PYROXD2: variants seen among roughly 807,000 people sequenced by gnomAD.
PYROXD2 encodes the protein pyridine nucleotide-disulphide oxidoreductase domain 2, also known as pyridine nucleotide-disulfide oxidoreductase domain-containing protein 2.
A neutral mutation model predicts 71.1 loss-of-function variants in PYROXD2; 69 were observed. The ratio of observed to expected loss-of-function variants is 0.97; its 90% CI spans 0.80 to 1.19. The LOEUF (loss-of-function observed/expected upper bound fraction) is 1.19. PYROXD2 is among the 50% of genes most tolerant of loss of function. The pLI is 0.00. For missense variants in PYROXD2, 745 were observed against 748.9 expected (o/e 0.99, Z 0.06); for synonymous variants, 287 against 302.7 (o/e 0.95, Z 0.54).
chr10:98,398,333 C>T (rs1843272134), intron 5 of PYROXD2, among the ~76,000 whole-genome samples: 2 of 152,074 alleles, frequency 1.3e-5, no homozygotes, highest in Admixed American at 1.3e-4. Context: ...TGTCAGAATC[C>T]ACTTTCGAAA....
At chr10:98,399,542 CAT>C (rs1843316638) in intron 5 of PYROXD2, among the ~76,000 whole-genome samples, 1 of 151,766 alleles carries the variant, frequency 6.6e-6, no homozygotes, top group African/African-American at 2.4e-5. Context: ...CTCCATCCGA[CAT>C]GTGTTCATCC....
At chr10:98,386,960 A>T (rs1488474240) in intron 14 of PYROXD2, among the ~76,000 whole-genome samples, 1 of 152,144 alleles carries the variant, frequency 6.6e-6, no homozygotes, top group Non-Finnish European at 1.5e-5. Flanking sequence ...AGAGGGCCAC[A>T]ATCCTGGTGA....
intron 4 of PYROXD2, among the ~76,000 whole-genome samples, chr10:98,404,188 G>A (rs1381627430): frequency 2.0e-5 from 3 of 152,206 alleles, no homozygotes; most frequent in Non-Finnish European, 4.4e-5. Context: ...CAATCGCCGA[G>A]TTTTGGCCAA....
In PYROXD2 at chr10:98,390,600, G is replaced by A. The variant is rs772080429; in HGVS notation, c.1290C>T (p.His430=). 1.5e-5 allele frequency: 24 copies of A among 1,589,774 alleles called. No individual in the cohort carries two copies. Among genetic ancestry groups the A allele is most frequent in the Non-Finnish European group, 1.5e-5 (17 of 1,167,830 alleles). The change falls in exon 12 of 16, where the codon CAC becomes CAT. Residue 430 remains histidine (H), a splice_region_variant and synonymous_variant. Coordinates refer to ENST00000370575, the MANE Select transcript of PYROXD2 (RefSeq NM_032709.3). ...FEDAMDGLPS[H]RPVIELCIPS... is the part of the protein sequence containing the mutation. Reference sequence around the variant, plus strand: ...AACATAAAGTCCAGGGCCCCTACCTGTGGGAAGGCAGGCCATCCATGGCAT... The same window carrying A: ...AACATAAAGTCCAGGGCCCCTACCTATGGGAAGGCAGGCCATCCATGGCAT...
chr10:98,408,978 G>T (rs1319932022), intron 2 of PYROXD2, among the ~76,000 whole-genome samples: 5 of 152,190 alleles, frequency 3.3e-5, no homozygotes, highest in African/African-American at 1.2e-4. Context: ...GAGGTGTTGG[G>T]AATTGAAACC....
At chr10:98,396,327 G>GCTT (rs1427494031) in intron 6 of PYROXD2, among the ~76,000 whole-genome samples, 1 of 152,188 alleles carries the variant, frequency 6.6e-6, no homozygotes, top group African/African-American at 2.4e-5. Flanking sequence ...GTCAGCATGT[G>GCTT]CTTCTACAAG....
intron 2 of PYROXD2, among the ~76,000 whole-genome samples, chr10:98,410,280 A>G (rs6584200): frequency 0.36 from 54,952 of 151,968 alleles, 11,085 homozygotes; most frequent in African/African-American, 0.53. Context: ...AAGATGTTCC[A>G]CATTTGTTTT....
At chr10:98,390,868 C>T in intron 11 of PYROXD2, 114 bp from the exon 12 acceptor site, 1 of 1,417,662 alleles carries the variant, frequency 7.1e-7, no homozygotes, top group African/African-American at 1.4e-5. Flanking sequence ...GCAAGTGTTT[C>T]ACCTTCTGAC....
Position 98,401,273 on chromosome 10 carries a change from A to AC in PYROXD2, c.316-1017_316-1016insG, listed in dbSNP as rs1554879097. ...TGTCTCAAAAAAAAAAAAACAAAAA[A>AC]AAACAAACATAGAAAAGGTACATTA... is the stretch of plus-strand genomic sequence containing the variant. On this transcript the variant is annotated intron_variant, in intron 4 of 15. Coordinates refer to ENST00000370575, the MANE Select transcript of PYROXD2 (RefSeq NM_032709.3). Among the ~76,000 whole-genome samples, 45 of 121,668 alleles carry AC rather than the reference A, an allele frequency of 3.7e-4. 2 individuals are homozygous for AC. The highest frequency in any genetic ancestry group is 1.2e-3 in the African/African-American group (34 of 27,386). The allele number at this position is 121,668 out of a possible 152,430, so 79.8% of individuals were successfully genotyped here.
chr10:98,392,402 T>G lies in PYROXD2; in HGVS notation c.1062+30A>C, dbSNP rs111892082. On this transcript the variant is annotated intron_variant, in intron 10 of 15. Coordinates refer to ENST00000370575, the MANE Select transcript of PYROXD2 (RefSeq NM_032709.3). ...TCTAACCCCTGTTTTGGCAGACATCTAAGCTCCACCCTCCTGCCCACAGCC... is the reference window on the plus strand; with the variant it reads ...TCTAACCCCTGTTTTGGCAGACATCGAAGCTCCACCCTCCTGCCCACAGCC... 458 of 1,609,064 alleles carry G rather than the reference T, an allele frequency of 2.8e-4. No individual in the cohort carries two copies. In the African/African-American group the frequency reaches 5.1e-3, roughly 18 times the overall value.
At chr10:98,396,453 A>C (rs1843184069) in intron 6 of PYROXD2, among the ~76,000 whole-genome samples, 1 of 151,752 alleles carries the variant, frequency 6.6e-6, no homozygotes, top group Non-Finnish European at 1.5e-5. Context: ...AACCACGAAG[A>C]CATGTGGGAA....
Position 98,384,981 on chromosome 10 carries a change from C to T in PYROXD2, c.1641G>A (p.Gln547=), listed in dbSNP as rs1161748840. ...PLHSGYRCPL[Q]GLYLCGSGAH... ...CCCCACTTCCACAGAGATACAGGCCCTGGAGAGGGCAGCGGTAGCCAGAAT... is the reference window on the plus strand; with the variant it reads ...CCCCACTTCCACAGAGATACAGGCCTTGGAGAGGGCAGCGGTAGCCAGAAT... The change falls in exon 15 of 16, where the codon CAG becomes CAA. Residue 547 remains glutamine, a synonymous_variant. Coordinates refer to ENST00000370575, the MANE Select transcript of PYROXD2 (RefSeq NM_032709.3). 1 of 1,613,814 alleles carries T rather than the reference C, an allele frequency of 6.2e-7. No individual in the cohort carries two copies. Among genetic ancestry groups the T allele is most frequent in the Admixed American group, 1.7e-5 (1 of 59,998 alleles).
chr10:98,411,619 G>A (rs1237908966), intron 1 of PYROXD2: 1 of 152,100 alleles, frequency 6.6e-6, no homozygotes, highest in Non-Finnish European at 1.5e-5. Flanking sequence ...GCCTTGAGCT[G>A]AGAGGCCTGA....
chr10:98,385,161 G>A (rs1842711679), intron 14 of PYROXD2, 94 bp from the exon 15 acceptor site: 2 of 1,488,980 alleles, frequency 1.3e-6, no homozygotes, highest in Non-Finnish European at 1.8e-6. Flanking sequence ...TTCAGCAAAT[G>A]TTCTTCTCCT....
intron 4 of PYROXD2, among the ~76,000 whole-genome samples, chr10:98,403,291 C>T (rs376640643): frequency 6.0e-4 from 91 of 152,326 alleles, no homozygotes; most frequent in Middle Eastern, 3.4e-3. Flanking sequence ...CCTTGACATC[C>T]CATCCGCTGC....
Position 98,407,629 on chromosome 10 carries a change from G to A in PYROXD2, c.268C>T (p.Leu90=). ...ATCTGCGGCCTCAGCAGGCTGAGCA[G>A]GTAGGACGCGCGGGAGAACTTAAAC... ...PGFKFSRASY[L]LSLLRPQIYT... Residue 90 remains leucine, a synonymous_variant, in exon 4 of 16, where the codon CTG becomes TTG. Coordinates refer to ENST00000370575, the MANE Select transcript of PYROXD2 (RefSeq NM_032709.3). 6.2e-7 allele frequency: 1 copy of A among 1,614,066 alleles called. No individual in the cohort carries two copies. Among genetic ancestry groups the A allele is most frequent in the Non-Finnish European group, 8.5e-7 (1 of 1,180,012 alleles).
At chr10:98,414,920 C>A in intron 1 of PYROXD2, 89 bp downstream of exon 1, 1 of 1,538,648 alleles carries the variant, frequency 6.5e-7, no homozygotes, top group South Asian at 1.3e-5. Context: ...AGCAGTGGGG[C>A]TTGGCTCCCC....
chr10:98,383,988 G>A, intron 15 of PYROXD2, 120 bp from the exon 16 acceptor site: 4 of 827,574 alleles, frequency 4.8e-6, no homozygotes, highest in Admixed American at 1.8e-5. Flanking sequence ...AGGGGTCCGG[G>A]GGCATGGGCA....
At chr10:98,395,544 A>T in intron 6 of PYROXD2, 92 bp from the exon 7 acceptor site, 1 of 1,105,432 alleles carries the variant, frequency 9.0e-7, no homozygotes, top group Non-Finnish European at 1.4e-6. Flanking sequence ...GAGGATGCTG[A>T]GACTTCCTGC....
Sources: gnomAD v4.1 joint callset for allele counts (sites outside exome capture counted in the v4.1 genomes callset) on GRCh38, gnomAD v4.1.1 for gene constraint, MANE v1.5 for transcripts, NCBI Gene and HGNC (gene_info 2026-07-23, HGNC 2026-07-21) for gene names.